CFAP299: variants seen among roughly 807,000 people sequenced by gnomAD.
CFAP299 encodes the protein cilia- and flagella-associated protein 299.
In CFAP299, 21 loss-of-function variants were observed where a neutral mutation model predicts 27.0. That is an observed-to-expected ratio of 0.78 (90% CI 0.55 to 1.12). The LOEUF (loss-of-function observed/expected upper bound fraction) is 1.12, where lower values mean the gene tolerates loss of function less well. Among genes scored for constraint, CFAP299 ranks in the 50% most tolerant of loss-of-function variants. The pLI is 0.00. For synonymous variants in CFAP299, 104 were observed against 98.1 expected, an observed-to-expected ratio of 1.06 and a Z score of -0.36; for missense variants, 310 against 276.6, an observed-to-expected ratio of 1.12 and a Z score of -0.86.
chr4:80,403,280 C>A (rs1038494619), intron 2 of CFAP299, among the ~76,000 whole-genome samples: 2 of 152,036 alleles, frequency 1.3e-5, no homozygotes, highest in African/African-American at 2.4e-5. Flanking sequence ...TACATAAGTG[C>A]TGAAAAAAAT....
intron 4 of CFAP299, among the ~76,000 whole-genome samples, chr4:80,892,933 T>G (rs984434054): frequency 6.6e-6 from 1 of 151,998 alleles, no homozygotes; most frequent in African/African-American, 2.4e-5. Context: ...GGAAGAGGTA[T>G]GACTATCTCT....
In CFAP299 at chr4:80,900,123, AGTGTGTGTGTGT is replaced by A. The variant is rs3038537; in HGVS notation, c.476+30015_476+30026del. Among the ~76,000 whole-genome samples the A allele has an allele frequency of 3.9e-3, 539 of 139,892 alleles. 1 individual carries two copies. Among genetic ancestry groups the A allele is most frequent in the Non-Finnish European group, 6.1e-3 (398 of 64,830 alleles). The allele number at this position is 139,892 out of a possible 152,430, so 91.8% of individuals were successfully genotyped here. On this transcript the variant is annotated intron_variant, in intron 4 of 5. Coordinates refer to ENST00000358105, the MANE Select transcript of CFAP299 (RefSeq NM_152770.3). ...AATAAATGACATAAAAGTGGAAGAA[AGTGTGTGTGTGT>A]GTGTGTGTGTGTGTGTGTGTGTGTG...
intron 2 of CFAP299, among the ~76,000 whole-genome samples, chr4:80,364,071 A>C (rs1342997678): frequency 5.7e-5 from 1 of 17,506 alleles, no homozygotes; most frequent in African/African-American, 5.1e-4. Context: ...TGGGCAACAG[A>C]GCGAGACTCC....
Position 80,516,624 on chromosome 4 carries a change from G to A in CFAP299, c.243-66469G>A, listed in dbSNP as rs1732604069. 2.0e-5 allele frequency among the ~76,000 whole-genome samples: 3 copies of A among 152,102 alleles called. No homozygotes were observed. In the South Asian group the frequency reaches 6.2e-4, roughly 32 times the overall value. ...GAAGATGGTGCTAAACCATTCATGA[G>A]GAATCTGACCCCATGATCCAATCAC... On this transcript the variant is annotated intron_variant, in intron 2 of 5. Transcript: ENST00000358105.
intron 3 of CFAP299, among the ~76,000 whole-genome samples, chr4:80,715,812 C>T (rs1408192348): frequency 6.6e-6 from 1 of 151,884 alleles, no homozygotes; most frequent in Non-Finnish European, 1.5e-5. Flanking sequence ...ATTATCACCA[C>T]CATTTTATTG....
intron 3 of CFAP299, among the ~76,000 whole-genome samples, chr4:80,843,765 T>TTTA (rs992549395): frequency 2.6e-4 from 39 of 151,926 alleles, no homozygotes; most frequent in African/African-American, 9.2e-4. Context: ...TTTTTTTAAT[T>TTTA]TTATTATTAT....
chr4:80,519,338 C>T (rs891412972), intron 2 of CFAP299, among the ~76,000 whole-genome samples: 3 of 152,092 alleles, frequency 2.0e-5, no homozygotes, highest in African/African-American at 7.2e-5. Context: ...TCCCATGTAT[C>T]TGGGATTACA....
At chr4:80,873,044 T>G in intron 4 of CFAP299, 2 of 975,148 alleles carry the variant, frequency 2.1e-6, no homozygotes, top group Non-Finnish European at 2.4e-6. Flanking sequence ...CCCCATCCTT[T>G]TTGGAAGTCA....
chr4:80,586,161 G>A (rs1238508629), intron 3 of CFAP299, among the ~76,000 whole-genome samples: 1 of 151,738 alleles, frequency 6.6e-6, no homozygotes, highest in Non-Finnish European at 1.5e-5. Flanking sequence ...TTGTAAGGTG[G>A]GAATTAAAAG....
chr4:80,712,834 T>G (rs1722252649), intron 3 of CFAP299, among the ~76,000 whole-genome samples: 1 of 152,204 alleles, frequency 6.6e-6, no homozygotes, highest in South Asian at 2.1e-4. Context: ...ATCTGAAGAC[T>G]GTTTTTCATA....
chr4:80,472,218 T>G (rs1730033696), intron 2 of CFAP299, among the ~76,000 whole-genome samples: 1 of 152,152 alleles, frequency 6.6e-6, no homozygotes. Flanking sequence ...AAAGTAGGGA[T>G]TACAGACTTA....
chr4:80,546,767 A>G (rs1158688687), intron 2 of CFAP299, among the ~76,000 whole-genome samples: 1 of 152,136 alleles, frequency 6.6e-6, no homozygotes, highest in African/African-American at 2.4e-5. Flanking sequence ...ACCATGAGTA[A>G]AAGTTCCCTG....
chr4:80,743,484 A>G (rs1356585344), intron 3 of CFAP299, among the ~76,000 whole-genome samples: 2 of 152,186 alleles, frequency 1.3e-5, no homozygotes, highest in African/African-American at 4.8e-5. Flanking sequence ...TGGATAAATG[A>G]CTATAAATAT....
chr4:80,922,045 T>C (rs1224825170), intron 4 of CFAP299, among the ~76,000 whole-genome samples: 2 of 152,046 alleles, frequency 1.3e-5, no homozygotes, highest in Non-Finnish European at 2.9e-5. Flanking sequence ...CTGTGGAACA[T>C]GTAGGCTACA....
At chr4:80,619,820 T>A (rs1738482154) in intron 3 of CFAP299, among the ~76,000 whole-genome samples, 1 of 152,142 alleles carries the variant, frequency 6.6e-6, no homozygotes, top group Admixed American at 6.6e-5. Context: ...AAAGTGATCA[T>A]GTATTATCTC....
chr4:80,892,923 G>A (rs1239135766), intron 4 of CFAP299, among the ~76,000 whole-genome samples: 3 of 151,856 alleles, frequency 2.0e-5, no homozygotes, highest in Non-Finnish European at 4.4e-5. Flanking sequence ...AAATCAGAAA[G>A]GAAGAGGTAT....
At chr4:80,922,662 T>A (rs993024427) in intron 4 of CFAP299, among the ~76,000 whole-genome samples, 4 of 151,896 alleles carry the variant, frequency 2.6e-5, no homozygotes, top group Non-Finnish European at 4.4e-5. Context: ...CTATTTCCCC[T>A]AATTAAAAAG....
chr4:80,856,375 T>G (rs1483252783), intron 3 of CFAP299, among the ~76,000 whole-genome samples: 1 of 150,990 alleles, frequency 6.6e-6, no homozygotes, highest in African/African-American at 2.5e-5. Context: ...CTGATGGTAG[T>G]TTCTTTTGCT....
chr4:80,578,293 A>G (rs1344731819), intron 2 of CFAP299, among the ~76,000 whole-genome samples: 1 of 152,198 alleles, frequency 6.6e-6, no homozygotes, highest in Non-Finnish European at 1.5e-5. Context: ...CATGTTAAAG[A>G]TTTAAGAATT....
Sources: gnomAD v4.1 joint callset for allele counts (sites outside exome capture counted in the v4.1 genomes callset) on GRCh38, gnomAD v4.1.1 for gene constraint, MANE v1.5 for transcripts, NCBI Gene and HGNC (gene_info 2026-07-23, HGNC 2026-07-21) for gene names.